The following VPS50 variants were observed in gnomAD, a reference collection of about 807,000 sequenced individuals.
VPS50 encodes VPS50 subunit of EARP/GARPII complex.
VPS50 carries 70 observed loss-of-function variants against 139.7 expected under a neutral mutation model. The observed-to-expected ratio is 0.50, with a 90% confidence interval of 0.41 to 0.61. The LOEUF (loss-of-function observed/expected upper bound fraction) is 0.61, where lower values mean the gene tolerates loss of function less well. Ranked by LOEUF, VPS50 falls within the 20% of genes least tolerant of loss-of-function variation. The pLI is 0.00. For synonymous variants in VPS50, 365 were observed against 376.7 expected, an observed-to-expected ratio of 0.97 and a Z score of 0.36; for missense variants, 921 against 1,133.7, an observed-to-expected ratio of 0.81 and a Z score of 2.69.
chr7:93,241,579 T>C (rs1794992327), intron 2 of VPS50, among the ~76,000 whole-genome samples: 1 of 152,128 alleles, frequency 6.6e-6, no homozygotes, highest in Non-Finnish European at 1.5e-5. Context: ...TGTTCTCCTA[T>C]AGCATAACAA....
intron 12 of VPS50, among the ~76,000 whole-genome samples, chr7:93,279,937 A>T (rs1002623099): frequency 2.6e-5 from 4 of 152,128 alleles, no homozygotes; most frequent in African/African-American, 9.7e-5. Context: ...GTATCATTTT[A>T]AACTATTCTT....
intron 1 of VPS50, among the ~76,000 whole-genome samples, chr7:93,237,091 C>T (rs1794831040): frequency 6.6e-6 from 1 of 151,096 alleles, no homozygotes; most frequent in African/African-American, 2.4e-5. Flanking sequence ...GCTGGGACTA[C>T]AGACGCCCGC....
At chr7:93,343,095 G>A (rs1429017005) in intron 23 of VPS50, among the ~76,000 whole-genome samples, 4 of 152,184 alleles carry the variant, frequency 2.6e-5, no homozygotes, top group Non-Finnish European at 5.9e-5. Flanking sequence ...AAAAAATTTA[G>A]ACGAATGTAT....
At chr7:93,261,707 G>T (rs970324335) in intron 9 of VPS50, among the ~76,000 whole-genome samples, 2 of 148,824 alleles carry the variant, frequency 1.3e-5, no homozygotes, top group African/African-American at 2.5e-5. Context: ...AAAGAAATTA[G>T]GCTGTAGAGA....
At chr7:93,272,849 A>G in intron 11 of VPS50, 116 bp downstream of exon 11, 1 of 557,084 alleles carries the variant, frequency 1.8e-6, no homozygotes, top group Non-Finnish European at 3.2e-6. Context: ...AACGAAGTAC[A>G]TTTTTATTCT....
intron 23 of VPS50, among the ~76,000 whole-genome samples, chr7:93,344,296 T>G (rs1424468920): frequency 6.6e-6 from 1 of 152,280 alleles, no homozygotes; most frequent in Non-Finnish European, 1.5e-5. Context: ...TAAATATATA[T>G]GCACCCCAAT....
rs1797683933 is a variant in VPS50 at position 93,323,603 on chromosome 7, C to A, written c.1856-8C>A. 1.7e-6 allele frequency: 2 copies of A among 1,209,738 alleles called. No individual in the cohort carries two copies. Among genetic ancestry groups the A allele is most frequent in the Non-Finnish European group, 2.2e-6 (2 of 906,060 alleles). The allele number at this position is 1,209,738 out of a possible 1,614,324, so 74.9% of individuals were successfully genotyped here. A position where few individuals can be genotyped will look rare whatever the true frequency, so the allele number is the denominator to read the frequency against. ...TCTGCTTAATTTTTTATTCTTTTTT[C>A]TTTTCAGGAAAATATATGCAGATGA... On this transcript the variant is annotated splice_region_variant and splice_polypyrimidine_tract_variant and intron_variant, in intron 20 of 27. Transcript: ENST00000305866.
chr7:93,336,114 T>G (rs1284325648), intron 22 of VPS50, among the ~76,000 whole-genome samples: 3 of 152,218 alleles, frequency 2.0e-5, no homozygotes, highest in African/African-American at 7.2e-5. Flanking sequence ...CTTTGGCTAC[T>G]AAAATAATTT....
At chr7:93,274,949 T>A (rs1453560839) in intron 11 of VPS50, among the ~76,000 whole-genome samples, 2 of 152,130 alleles carry the variant, frequency 1.3e-5, no homozygotes, top group Non-Finnish European at 2.9e-5. Flanking sequence ...TAGCAGGAGT[T>A]TGGAAGAAGT....
At chr7:93,334,046 T>G in intron 21 of VPS50, 71 bp from the exon 22 acceptor site, 1 of 860,868 alleles carries the variant, frequency 1.2e-6, no homozygotes, top group South Asian at 1.4e-5. Flanking sequence ...TCAAATATCT[T>G]GGTTAATTTG....
intron 2 of VPS50, chr7:93,246,114 C>T (rs1031262176): frequency 8.2e-5 from 124 of 1,513,780 alleles, no homozygotes; most frequent in Non-Finnish European, 1.0e-4. Flanking sequence ...AGAGCCCTAA[C>T]GTGATGTTAA....
chr7:93,246,675 C>G (rs1479883011), intron 2 of VPS50, among the ~76,000 whole-genome samples: 1 of 151,620 alleles, frequency 6.6e-6, no homozygotes, highest in African/African-American at 2.4e-5. Context: ...ATTAAGAGCC[C>G]TGAATTTGGA....
chr7:93,342,673 C>A (rs1237277854), intron 23 of VPS50, among the ~76,000 whole-genome samples: 1 of 152,186 alleles, frequency 6.6e-6, no homozygotes, highest in Non-Finnish European at 1.5e-5. Context: ...GACCACTGAC[C>A]CCTGATCCCC....
rs1413056898 is a variant in VPS50, at chr7:93,348,780, G to A, written c.2277G>A (p.Lys759=). The change falls in exon 24 of 28, where the codon AAG becomes AAA. Residue 759 remains lysine (K), a synonymous_variant. Coordinates refer to ENST00000305866, the MANE Select transcript of VPS50 (RefSeq NM_017667.4). ...ATGCTGTGATGCCTGCAGTCAAAAA[G>A]CCCTTTCTTCAGCAGTTCTATTCTC... ...HLDAVMPAVK[K]PFLQQFYSQT... 6 of 1,613,118 alleles carry A rather than the reference G, an allele frequency of 3.7e-6. No homozygotes were observed. The highest frequency in any genetic ancestry group is 5.1e-6 in the Non-Finnish European group (6 of 1,179,296).
chr7:93,332,127 G>A (rs1467654909), intron 21 of VPS50, among the ~76,000 whole-genome samples: 1 of 152,218 alleles, frequency 6.6e-6, no homozygotes, highest in Non-Finnish European at 1.5e-5. Context: ...GAATAGCATA[G>A]ACTCGGCTGC....
intron 11 of VPS50, chr7:93,273,630 T>C (rs1409836186): frequency 6.6e-6 from 1 of 152,122 alleles, no homozygotes; most frequent in Non-Finnish European, 1.5e-5. Flanking sequence ...GATTAAGTCT[T>C]AAATTCCATA....
chr7:93,328,392 T>A (rs1200120371), intron 21 of VPS50, among the ~76,000 whole-genome samples: 3 of 152,216 alleles, frequency 2.0e-5, no homozygotes, highest in Non-Finnish European at 4.4e-5. Context: ...TTACCTTTCA[T>A]TAGTAAAACG....
chr7:93,239,570 A>G, intron 1 of VPS50, among the ~76,000 whole-genome samples: 1 of 152,146 alleles, frequency 6.6e-6, no homozygotes. Context: ...TTTGTTATGT[A>G]AGTTTCTTTA....
intron 20 of VPS50, among the ~76,000 whole-genome samples, chr7:93,312,157 A>G (rs192722146): frequency 1.8e-3 from 273 of 152,306 alleles, no homozygotes; most frequent in Non-Finnish European, 3.5e-3. Context: ...AGCAAAAAAT[A>G]TTACTGAATT....
Sources: allele counts gnomAD v4.1 joint callset (sites outside exome capture counted in the v4.1 genomes callset), GRCh38; gene constraint gnomAD v4.1.1; transcripts MANE v1.5; gene names NCBI Gene and HGNC (gene_info 2026-07-23, HGNC 2026-07-21).